S100A8: variants seen among roughly 807,000 people sequenced by gnomAD.
S100A8 encodes the protein S100 calcium binding protein A8, also known as protein S100-A8.
Under a neutral mutation model 4.2 loss-of-function variants are expected in S100A8, and 1 was observed. That is an observed-to-expected ratio of 0.24 (90% CI 0.08 to 1.12). S100A8 has a LOEUF of 1.12. Ranked by LOEUF, S100A8 falls within the 50% of genes most tolerant of loss-of-function variation. S100A8 has a pLI of 0.53. For missense variants in S100A8, 96 were observed against 111.8 expected, an observed-to-expected ratio of 0.86 and a Z score of 0.64; for synonymous variants, 41 against 44.7, an observed-to-expected ratio of 0.92 and a Z score of 0.33.
the S100A8 span, among the ~76,000 whole-genome samples, chr1:153,397,326 C>T: frequency 2.6e-5 from 4 of 151,980 alleles, no homozygotes; most frequent in Non-Finnish European, 5.9e-5. Flanking sequence ...GGAGCAATTC[C>T]CAGGCAGATG....
the S100A8 span, among the ~76,000 whole-genome samples, chr1:153,407,182 C>T: frequency 1.3e-5 from 2 of 152,222 alleles, no homozygotes; most frequent in Non-Finnish European, 2.9e-5. Flanking sequence ...TCACCTCACC[C>T]AGGAAGCACA....
At chr1:153,393,844 G>A (rs1662157404), upstream of S100A8, among the ~76,000 whole-genome samples, 1 of 152,188 alleles carries the variant, frequency 6.6e-6, no homozygotes, top group South Asian at 2.1e-4. Context: ...TTTGACAGAT[G>A]GGGAAACTGA....
chr1:153,418,377 T>C, the S100A8 span, among the ~76,000 whole-genome samples: 2 of 152,296 alleles, frequency 1.3e-5, no homozygotes, highest in East Asian at 3.9e-4. Context: ...TATGTGAATC[T>C]AAGGATGGTA....
the S100A8 span, among the ~76,000 whole-genome samples, chr1:153,404,579 G>A: frequency 5.9e-5 from 9 of 152,140 alleles, no homozygotes; most frequent in African/African-American, 2.2e-4. Flanking sequence ...TATCATCACA[G>A]GGATTCCATG....
At chr1:153,414,017 CTTT>C in the S100A8 span, among the ~76,000 whole-genome samples, 1 of 152,142 alleles carries the variant, frequency 6.6e-6, no homozygotes, top group Non-Finnish European at 1.5e-5. Flanking sequence ...TCTTAGAATT[CTTT>C]GTTGTCTTGT....
At chr1:153,397,202 G>C in the S100A8 span, among the ~76,000 whole-genome samples, 2 of 152,224 alleles carry the variant, frequency 1.3e-5, no homozygotes, top group African/African-American at 4.8e-5. Flanking sequence ...CTCCACACTG[G>C]GAGCTCCCCA....
chr1:153,392,946 T>C (rs1026073913), upstream of S100A8, among the ~76,000 whole-genome samples: 3 of 152,210 alleles, frequency 2.0e-5, no homozygotes, highest in Non-Finnish European at 1.5e-5. Context: ...TCACTGAGCT[T>C]TTCCCATGTC....
the S100A8 span, among the ~76,000 whole-genome samples, chr1:153,401,020 C>A: frequency 1.3e-5 from 2 of 152,118 alleles, no homozygotes; most frequent in Non-Finnish European, 2.9e-5. Flanking sequence ...TTCACCCTAC[C>A]TTTTGTTCAC....
chr1:153,411,709 T>A, the S100A8 span, among the ~76,000 whole-genome samples: 4 of 152,152 alleles, frequency 2.6e-5, no homozygotes, highest in Non-Finnish European at 5.9e-5. Flanking sequence ...GTGGGAGGCA[T>A]CACACTACCT....
At chr1:153,395,987 C>A (rs1042868490), upstream of S100A8, among the ~76,000 whole-genome samples, 1 of 152,248 alleles carries the variant, frequency 6.6e-6, no homozygotes, top group Non-Finnish European at 1.5e-5. Flanking sequence ...CTACCCTCAC[C>A]CCTGTGCTAC....
At chr1:153,398,476 C>T in the S100A8 span, among the ~76,000 whole-genome samples, 1 of 152,212 alleles carries the variant, frequency 6.6e-6, no homozygotes, top group African/African-American at 2.4e-5. Context: ...CTGTGCCACC[C>T]TCTCCAGAGG....
chr1:153,413,629 AG>A, the S100A8 span, among the ~76,000 whole-genome samples: 1 of 152,160 alleles, frequency 6.6e-6, no homozygotes, highest in Non-Finnish European at 1.5e-5. Context: ...TGCCAGGTGC[AG>A]TGGCTCACAA....
the S100A8 span, chr1:153,419,631 G>A: frequency 1.4e-5 from 5 of 352,566 alleles, no homozygotes; most frequent in Admixed American, 4.3e-5. Context: ...CCCCTGCCAG[G>A]TCACAGCAAT....
the S100A8 span, chr1:153,417,942 A>T: frequency 7.9e-6 from 10 of 1,272,448 alleles, no homozygotes; most frequent in African/African-American, 1.5e-4. Flanking sequence ...ATTTAAAAAA[A>T]TCAAGTTCCT....
the S100A8 span, chr1:153,421,338 T>C: frequency 6.6e-6 from 1 of 152,144 alleles, no homozygotes; most frequent in African/African-American, 2.4e-5. Flanking sequence ...ACTCTTACCA[T>C]AGTGGCTACA....
chr1:153,404,763 C>G, the S100A8 span, among the ~76,000 whole-genome samples: 1 of 152,234 alleles, frequency 6.6e-6, no homozygotes, highest in Admixed American at 6.5e-5. Flanking sequence ...GAAAAGCCCT[C>G]TGCCTTTCAG....
At chr1:153,421,400 G>T in the S100A8 span, 1 of 152,226 alleles carries the variant, frequency 6.6e-6, no homozygotes, top group Non-Finnish European at 1.5e-5. Context: ...ATCATGGAGG[G>T]AAAACATTGT....
upstream of S100A8, chr1:153,391,079 G>A (rs946983085): frequency 1.0e-5 from 10 of 985,914 alleles, no homozygotes; most frequent in Non-Finnish European, 1.2e-5. Flanking sequence ...GACATGCAGG[G>A]CTGAGAGGCA....
At position 153,390,124 on chromosome 1, in the gene S100A8, A is replaced by C. The variant is rs1285365560; in HGVS notation, c.261T>G (p.His87Gln). ...KMGVAAHKKS[H>Q]EESHKE The stretch of plus-strand genomic sequence containing the variant: ...TCAGCTACTCTTTGTGGCTTTCTTC[A>C]TGGCTTTTTTTGTGGGCTGCCACGC... Residue 87 changes from histidine to glutamine, a missense_variant, in exon 3 of 3, where the codon CAT becomes CAG. Coordinates refer to ENST00000368733, the MANE Select transcript of S100A8 (RefSeq NM_002964.5). 1 of 1,613,706 alleles carries C rather than the reference A, an allele frequency of 6.2e-7. No homozygotes were observed. Among genetic ancestry groups the C allele is most frequent in the Non-Finnish European group, 8.5e-7 (1 of 1,179,920 alleles).
Sources: allele counts gnomAD v4.1 joint callset (sites outside exome capture counted in the v4.1 genomes callset), GRCh38; gene constraint gnomAD v4.1.1; transcripts MANE v1.5; gene names NCBI Gene and HGNC (gene_info 2026-07-23, HGNC 2026-07-21).